SORCS2: variants seen among roughly 807,000 people sequenced by gnomAD.
SORCS2 encodes VPS10 domain-containing receptor SorCS2.
In SORCS2, 100 loss-of-function variants were observed where a neutral mutation model predicts 141.6. That is an observed-to-expected ratio of 0.71 (90% CI 0.60 to 0.83). The LOEUF (loss-of-function observed/expected upper bound fraction) is 0.83, where lower values mean the gene tolerates loss of function less well. Ranked by LOEUF, SORCS2 falls within the 40% of genes least tolerant of loss-of-function variation. SORCS2 has a pLI of 0.00. For synonymous variants in SORCS2, 789 were observed against 676.9 expected (o/e 1.17, Z -2.57); for missense variants, 1,646 against 1,560.2 (o/e 1.05, Z -0.93).
chr4:7,533,111 A>G (rs1054648062), intron 3 of SORCS2, among the ~76,000 whole-genome samples: 2 of 152,140 alleles, frequency 1.3e-5, no homozygotes, highest in African/African-American at 4.8e-5. Flanking sequence ...TTTCCAGGGC[A>G]GGACATTGGA....
intron 1 of SORCS2, among the ~76,000 whole-genome samples, chr4:7,261,537 T>C (rs554818955): frequency 2.0e-5 from 3 of 152,376 alleles, no homozygotes; most frequent in African/African-American, 7.2e-5. Flanking sequence ...ATGAAACATA[T>C]GGATCCTCTC....
intron 1 of SORCS2, among the ~76,000 whole-genome samples, chr4:7,300,096 C>T (rs1321798026): frequency 6.6e-6 from 1 of 152,108 alleles, no homozygotes; most frequent in Admixed American, 6.5e-5. Flanking sequence ...TGCTGAGGAC[C>T]GGGAGGTGGA....
intron 1 of SORCS2, among the ~76,000 whole-genome samples, chr4:7,331,937 G>T (rs1560198517): frequency 2.0e-5 from 3 of 152,186 alleles, no homozygotes; most frequent in Admixed American, 1.3e-4. Flanking sequence ...GCTGGAGCCT[G>T]GGTCTGTATC....
At chr4:7,323,809 T>C (rs964185205) in intron 1 of SORCS2, among the ~76,000 whole-genome samples, 2 of 151,030 alleles carry the variant, frequency 1.3e-5, no homozygotes, top group African/African-American at 4.9e-5. Flanking sequence ...AGAACCCCCA[T>C]CTCCCAGGAA....
chr4:7,238,042 C>T (rs1228736238), intron 1 of SORCS2, among the ~76,000 whole-genome samples: 1 of 152,034 alleles, frequency 6.6e-6, no homozygotes, highest in Admixed American at 6.6e-5. Context: ...TGAAGTGCAT[C>T]TTCTTTCGGA....
intron 26 of SORCS2, among the ~76,000 whole-genome samples, chr4:7,738,304 C>T (rs564519755): frequency 3.3e-5 from 5 of 152,362 alleles, no homozygotes; most frequent in South Asian, 2.1e-4. Flanking sequence ...GGCAGCCAGG[C>T]GGTGTGGGCA....
chr4:7,551,806 G>T (rs1007103353), intron 3 of SORCS2, among the ~76,000 whole-genome samples: 6 of 152,210 alleles, frequency 3.9e-5, no homozygotes, highest in African/African-American at 1.2e-4. Flanking sequence ...ACATTGATCA[G>T]TGCCTCCTGG....
intron 23 of SORCS2, among the ~76,000 whole-genome samples, chr4:7,729,996 G>T (rs1048756898): frequency 9.2e-5 from 14 of 152,164 alleles, no homozygotes; most frequent in African/African-American, 3.4e-4. Context: ...ATTGGCTGGA[G>T]ATGGTCACAT....
intron 1 of SORCS2, among the ~76,000 whole-genome samples, chr4:7,266,373 G>A (rs1714730918): frequency 6.6e-6 from 1 of 152,194 alleles, no homozygotes. Context: ...TGAAGGGAGT[G>A]GAGGGCTGAA....
chr4:7,701,029 G>A lies in SORCS2; in HGVS notation c.1669-2251G>A, dbSNP rs148426177. Reference sequence around the variant, plus strand: ...AGATCCTGTGTGCAGCACGCCTCACGGCACAAGGTGCCTGCCTGGATCCTG... The same window carrying A: ...AGATCCTGTGTGCAGCACGCCTCACAGCACAAGGTGCCTGCCTGGATCCTG... On this transcript the variant is annotated intron_variant, in intron 12 of 26. Transcript: ENST00000507866. 1.8e-4 allele frequency among the ~76,000 whole-genome samples: 27 copies of A among 152,310 alleles called. No individual in the cohort carries two copies. In the East Asian group the frequency reaches 4.3e-3, roughly 24 times the overall value.
chr4:7,706,005 GA>G (rs1725406320), intron 14 of SORCS2, among the ~76,000 whole-genome samples: 3 of 152,046 alleles, frequency 2.0e-5, no homozygotes, highest in Non-Finnish European at 2.9e-5. Context: ...CCTCTGCCTG[GA>G]CAGGGATGAG....
At chr4:7,442,676 G>T (rs1169767713) in intron 2 of SORCS2, among the ~76,000 whole-genome samples, 4 of 140,484 alleles carry the variant, frequency 2.8e-5, no homozygotes, top group Non-Finnish European at 4.6e-5. Context: ...CAGCTCTGAG[G>T]CTGTGGTTTC....
chr4:7,686,531 C>T (rs1281960582), intron 10 of SORCS2, among the ~76,000 whole-genome samples: 1 of 152,236 alleles, frequency 6.6e-6, no homozygotes, highest in Admixed American at 6.5e-5. Context: ...CCTCGGTCAA[C>T]ACTGGAGCAT....
intron 3 of SORCS2, among the ~76,000 whole-genome samples, chr4:7,584,729 T>A (rs1208650862): frequency 6.6e-6 from 1 of 152,132 alleles, no homozygotes; most frequent in Non-Finnish European, 1.5e-5. Context: ...GCATCTAAGA[T>A]TGAGCAGTTT....
chr4:7,525,533 C>T (rs1733615089), intron 2 of SORCS2, among the ~76,000 whole-genome samples: 1 of 152,076 alleles, frequency 6.6e-6, no homozygotes, highest in Admixed American at 6.5e-5. Flanking sequence ...GGCACCTGAG[C>T]AGTGTCACTC....
At chr4:7,266,973 G>T (rs1301128237) in intron 1 of SORCS2, among the ~76,000 whole-genome samples, 1 of 152,144 alleles carries the variant, frequency 6.6e-6, no homozygotes, top group African/African-American at 2.4e-5. Context: ...AATCAGTGGG[G>T]GGTGGGGGAG....
chr4:7,667,333 G>T (rs1020771396), intron 8 of SORCS2, 120 bp downstream of exon 8: 4 of 865,926 alleles, frequency 4.6e-6, no homozygotes, highest in Admixed American at 2.0e-5. Flanking sequence ...GACAAGAACA[G>T]TGTGGCCACG....
Position 7,723,543 on chromosome 4 carries a change from G to A in SORCS2, c.2425-154G>A, listed in dbSNP as rs189742897. Among the ~76,000 whole-genome samples, 14 of 152,292 alleles carry A rather than the reference G, an allele frequency of 9.2e-5. No individual in the cohort carries two copies. The South Asian group carries it at 1.0e-3, about 11-fold the overall frequency. On this transcript the variant is annotated intron_variant, in intron 18 of 26. Coordinates refer to ENST00000507866, the MANE Select transcript of SORCS2 (RefSeq NM_020777.3). ...GGAAGAATCTCCAGGGCAGAACCAG[G>A]CCCGGTCTCCTGTGGGTCCCCAGAG...
At chr4:7,635,254 G>A (rs1238765409) in intron 3 of SORCS2, among the ~76,000 whole-genome samples, 1 of 152,152 alleles carries the variant, frequency 6.6e-6, no homozygotes, top group Non-Finnish European at 1.5e-5. Flanking sequence ...ACAGGGCTCT[G>A]GAGTCAAACA....
Sources: gnomAD v4.1 joint callset for allele counts (sites outside exome capture counted in the v4.1 genomes callset) on GRCh38, gnomAD v4.1.1 for gene constraint, MANE v1.5 for transcripts, NCBI Gene and HGNC (gene_info 2026-07-23, HGNC 2026-07-21) for gene names.